The following CEP290 variants were observed in gnomAD, a reference collection of about 807,000 sequenced individuals.
CEP290 encodes the protein centrosomal protein 290.
Under a neutral mutation model 344.9 loss-of-function variants are expected in CEP290, and 317 were observed. The observed-to-expected ratio is 0.92, with a 90% CI of 0.84 to 1.01. CEP290 has a LOEUF of 1.01. Ranked by LOEUF, CEP290 falls within the 50% of genes least tolerant of loss-of-function variation. The pLI is 0.00. For missense variants in CEP290, 2,754 were observed against 2,761.4 expected, an observed-to-expected ratio of 1.00 and a Z score of 0.06; for synonymous variants, 932 against 895.8, an observed-to-expected ratio of 1.04 and a Z score of -0.72.
At chr12:88,081,986 G>T (rs188355264) in intron 37 of CEP290, among the ~76,000 whole-genome samples, 49 of 152,284 alleles carry the variant, frequency 3.2e-4, no homozygotes, top group Non-Finnish European at 6.8e-4. Context: ...AACAGTGGCA[G>T]CTCCTTAGCA....
At chr12:88,074,252 G>A (rs2035596409) in intron 41 of CEP290, among the ~76,000 whole-genome samples, 1 of 152,022 alleles carries the variant, frequency 6.6e-6, no homozygotes, top group South Asian at 2.1e-4. Context: ...ACTTCACTAA[G>A]TGGTTGATAG....
At chr12:88,070,515 T>G (rs777657153) in intron 43 of CEP290, among the ~76,000 whole-genome samples, 16 of 152,058 alleles carry the variant, frequency 1.1e-4, no homozygotes, top group Non-Finnish European at 2.1e-4. Flanking sequence ...GCCCCAACCC[T>G]TAAGCCATCC....
intron 41 of CEP290, among the ~76,000 whole-genome samples, 152 bp downstream of exon 41, chr12:88,077,070 T>A (rs1404577497): frequency 6.6e-6 from 1 of 152,018 alleles, no homozygotes; most frequent in Non-Finnish European, 1.5e-5. Flanking sequence ...TTTTCTACGT[T>A]ATTCAATACT....
In CEP290 at chr12:88,126,298, A is replaced by C; in HGVS notation, c.1065+18T>G. On this transcript the variant is annotated intron_variant, in intron 12 of 53. Transcript: ENST00000552810. Reference sequence around the variant, plus strand: ...GTAATAAAACTGGTTGATAAACAAAATTCTGTTAAGATTTTACCTGCTGTA... The same window carrying C: ...GTAATAAAACTGGTTGATAAACAAACTTCTGTTAAGATTTTACCTGCTGTA... 1 of 1,433,260 alleles carries C rather than the reference A, an allele frequency of 7.0e-7. No individual in the cohort carries two copies. Among genetic ancestry groups the C allele is most frequent in the Non-Finnish European group, 9.1e-7 (1 of 1,098,686 alleles). The allele number at this position is 1,433,260 out of a possible 1,614,324, so 88.8% of individuals were successfully genotyped here.
chr12:88,083,882 C>A lies in CEP290; in HGVS notation c.4777G>T (p.Asp1593Tyr), dbSNP rs1201073418. The A allele has an allele frequency of 3.8e-6, 6 of 1,593,958 alleles. No homozygotes were observed. ...TGTTTGAATTTATTTAGTGAACTAT[C>A]AGCCTGTAGTTCTAATCTGTGATGA... ...ILHHRLELQA[D>Y]SSLNKFKQTA... The change falls in exon 36 of 54, where the codon GAT becomes TAT. Residue 1593 changes from aspartate to tyrosine, a missense_variant. Coordinates refer to ENST00000552810, the MANE Select transcript of CEP290 (RefSeq NM_025114.4).
Position 88,107,059 on chromosome 12 carries a change from T to A in CEP290, c.2523A>T (p.Lys841Asn). The change falls in exon 24 of 54, where the codon AAA becomes AAT. Residue 841 changes from lysine to asparagine, a missense_variant. Transcript: ENST00000552810. ...ETWKTESKTI[K>N]EEKRKLEDQV... The stretch of plus-strand genomic sequence containing the variant: ...GATCCTCAAGTTTTCTCTTTTCCTC[T>A]TTTATTGTTTTAGATTCTGTTTTCC... 1 of 1,553,040 alleles carries A rather than the reference T, an allele frequency of 6.4e-7. No individual in the cohort carries two copies. Among genetic ancestry groups the A allele is most frequent in the South Asian group, 1.2e-5 (1 of 81,986 alleles).
Position 88,137,953 on chromosome 12 carries a change from G to A in CEP290, c.298-1167C>T, listed in dbSNP as rs74316963. Reference sequence around the variant, plus strand: ...AAGCCACCAACCTTCCAGTAACTCCGCAAAATGCACTGGGAATTTAAGCAT... The same window carrying A: ...AAGCCACCAACCTTCCAGTAACTCCACAAAATGCACTGGGAATTTAAGCAT... On this transcript the variant is annotated intron_variant, in intron 5 of 53. Transcript: ENST00000552810. Among the ~76,000 whole-genome samples the A allele has an allele frequency of 3.3e-4, 50 of 152,196 alleles. 1 individual carries two copies. Among genetic ancestry groups the A allele is most frequent in the African/African-American group, 9.9e-4 (41 of 41,516 alleles).
chr12:88,077,989 CAG>C (rs745983557), intron 39 of CEP290, 71 bp from the exon 40 acceptor site: 4 of 647,558 alleles, frequency 6.2e-6, no homozygotes, highest in Non-Finnish European at 1.0e-5. Context: ...GAACATAAAA[CAG>C]AAAATATACC....
intron 43 of CEP290, among the ~76,000 whole-genome samples, chr12:88,069,060 AGAT>A (rs2035166521): frequency 6.6e-6 from 1 of 152,192 alleles, no homozygotes; most frequent in African/African-American, 2.4e-5. Flanking sequence ...TAATGATTTC[AGAT>A]AATAATTTAA....
At chr12:88,138,422 G>C (rs569018329) in intron 5 of CEP290, among the ~76,000 whole-genome samples, 15 of 152,190 alleles carry the variant, frequency 9.9e-5, no homozygotes, top group Admixed American at 5.2e-4. Context: ...AAAAACAATA[G>C]GTCATCCAAG....
chr12:88,121,345 A>T (rs926291793), intron 13 of CEP290, among the ~76,000 whole-genome samples, 179 bp from the exon 14 acceptor site: 7 of 152,150 alleles, frequency 4.6e-5, no homozygotes, highest in Admixed American at 1.3e-4. Flanking sequence ...TTACTAAAAA[A>T]CTGAAGTTCA....
chr12:88,083,711 A>T, intron 36 of CEP290, 136 bp downstream of exon 36: 3 of 644,198 alleles, frequency 4.7e-6, no homozygotes, highest in Non-Finnish European at 8.1e-6. Flanking sequence ...AGGAAGAATG[A>T]TCAGAGCTAT....
intron 23 of CEP290, among the ~76,000 whole-genome samples, chr12:88,108,629 A>T (rs1267904877): frequency 1.3e-5 from 2 of 152,192 alleles, no homozygotes; most frequent in Non-Finnish European, 2.9e-5. Flanking sequence ...AACAATGATG[A>T]TTGTGATGAT....
chr12:88,083,656 C>A (rs1161120629), intron 36 of CEP290, among the ~76,000 whole-genome samples, 191 bp downstream of exon 36: 1 of 152,026 alleles, frequency 6.6e-6, no homozygotes, highest in Admixed American at 6.6e-5. Context: ...GAGTACATGG[C>A]TAAGAATTAT....
chr12:88,059,256 T>C (rs1277598146), intron 48 of CEP290, among the ~76,000 whole-genome samples: 1 of 152,192 alleles, frequency 6.6e-6, no homozygotes, highest in Admixed American at 6.5e-5. Context: ...TTACTAGTGA[T>C]TACTTTAAAT....
At chr12:88,088,331 C>A (rs2036753007) in intron 31 of CEP290, among the ~76,000 whole-genome samples, 1 of 152,054 alleles carries the variant, frequency 6.6e-6, no homozygotes, top group Admixed American at 6.5e-5. Context: ...TCATTTAATT[C>A]TTTCTAAATG....
In CEP290 at chr12:88,126,356, T is replaced by G; in HGVS notation, c.1025A>C (p.Gln342Pro). The G allele has an allele frequency of 6.6e-7, 1 of 1,504,932 alleles. No individual in the cohort carries two copies. Among genetic ancestry groups the G allele is most frequent in the South Asian group, 1.4e-5 (1 of 71,714 alleles). 93.2% of individuals were successfully genotyped at this position (1,504,932 alleles called of 1,614,324 possible). The change falls in exon 12 of 54, where the codon CAG becomes CCG. Residue 342 changes from glutamine to proline, a missense_variant. By Grantham distance (76) the Gln-to-Pro change is moderately conservative (BLOSUM62 -1). Transcript: ENST00000552810. ...HNLREKLKNA[Q>P]LDADKSNVMA... ...AACATTACTTTTATCAGCATCAAGC[T>G]GAGCATTCTTAAGTTTCTCCCTTAG...
At chr12:88,140,856 A>C (rs2040609479) in intron 3 of CEP290, 100 bp downstream of exon 3, 1 of 701,104 alleles carries the variant, frequency 1.4e-6, no homozygotes, top group East Asian at 3.1e-5. Context: ...GGTGATGTAG[A>C]TATTACCAGG....
chr12:88,113,326 A>G (rs1427084238), intron 20 of CEP290, among the ~76,000 whole-genome samples: 1 of 152,084 alleles, frequency 6.6e-6, no homozygotes, highest in Non-Finnish European at 1.5e-5. Flanking sequence ...AAAAAAGCAT[A>G]AAGAATCATT....
Sources: gnomAD v4.1 joint callset for allele counts (sites outside exome capture counted in the v4.1 genomes callset) on GRCh38, gnomAD v4.1.1 for gene constraint, MANE v1.5 for transcripts, NCBI Gene and HGNC (gene_info 2026-07-23, HGNC 2026-07-21) for gene names.